Variants in SYNE1 observed in about 807,000 individuals in gnomAD.
SYNE1 encodes the protein nesprin-1.
Under a neutral mutation model 1,111.0 loss-of-function variants are expected in SYNE1, and 616 were observed. The observed-to-expected ratio is 0.55, with a 90% CI of 0.52 to 0.59. The LOEUF is 0.59. SYNE1 is among the 20% of genes least tolerant of loss of function. The probability of loss-of-function intolerance (pLI) is 0.00; values close to 1 mark genes in which losing one functional copy is unlikely to be tolerated. For missense variants in SYNE1, 10,006 were observed against 10,417.0 expected, an observed-to-expected ratio of 0.96 and a Z score of 1.72; for synonymous variants, 3,855 against 3,825.8, an observed-to-expected ratio of 1.01 and a Z score of -0.28.
chr6:152,239,613 G>A lies in SYNE1; in HGVS notation c.19987C>T (p.His6663Tyr), dbSNP rs112272270. 13 of 1,614,196 alleles carry A rather than the reference G, an allele frequency of 8.1e-6. No homozygotes were observed. Among genetic ancestry groups the A allele is most frequent in the African/African-American group, 5.3e-5 (4 of 75,028 alleles). ...SFAVQKETQF[H>Y]TELMAQASAV... is the part of the protein sequence containing the mutation. ...GAAGCCTGAGCCATCAGCTCTGTAT[G>A]GAACTGGGTTTCCTTTTGGACTGCA... The change falls in exon 108 of 146, where the codon CAT becomes TAT. Residue 6663 changes from histidine to tyrosine, a missense_variant. His to Tyr is a moderately conservative substitution (Grantham distance 83). Transcript: ENST00000367255.
intron 107 of SYNE1, 125 bp from the exon 108 acceptor site, chr6:152,239,831 G>C (rs907857819): frequency 9.9e-7 from 1 of 1,009,076 alleles, no homozygotes; most frequent in East Asian, 2.6e-5. Flanking sequence ...GGCTGAAGTG[G>C]GTGGATTACC....
chr6:152,453,478 C>G, intron 25 of SYNE1, 108 bp downstream of exon 25: 1 of 1,543,484 alleles, frequency 6.5e-7, no homozygotes, highest in Non-Finnish European at 8.9e-7. Flanking sequence ...GAAATAGTTA[C>G]AGTGACTTTC....
At chr6:152,343,080 C>T (rs1157359635) in intron 74 of SYNE1, among the ~76,000 whole-genome samples, 2 of 152,022 alleles carry the variant, frequency 1.3e-5, no homozygotes, top group Admixed American at 6.6e-5. Flanking sequence ...GCGACTTACC[C>T]ATGGTCCCCC....
chr6:152,317,962 A>T, intron 86 of SYNE1, 119 bp downstream of exon 86: 2 of 1,337,000 alleles, frequency 1.5e-6, no homozygotes, highest in Non-Finnish European at 2.1e-6. Context: ...CTACACCTAA[A>T]CTACTCTCTC....
At chr6:152,482,983 T>C in intron 14 of SYNE1, 102 bp downstream of exon 14, 1 of 1,309,402 alleles carries the variant, frequency 7.6e-7, no homozygotes, top group East Asian at 2.3e-5. Flanking sequence ...CATGTAGAAT[T>C]AATATTTGGG....
intron 130 of SYNE1, among the ~76,000 whole-genome samples, chr6:152,169,466 G>A (rs1200051319): frequency 6.7e-6 from 1 of 148,422 alleles, no homozygotes; most frequent in African/African-American, 2.5e-5. Context: ...GGAGGCTGAG[G>A]CAGGAGAATG....
intron 126 of SYNE1, among the ~76,000 whole-genome samples, chr6:152,203,918 TC>T (rs939158105): frequency 2.0e-5 from 3 of 152,316 alleles, no homozygotes; most frequent in African/African-American, 2.4e-5. Context: ...TGCTTTGTGT[TC>T]CCAGGGCTAC....
At chr6:152,266,935 G>GT (rs926275830) in intron 100 of SYNE1, among the ~76,000 whole-genome samples, 14 of 150,794 alleles carry the variant, frequency 9.3e-5, no homozygotes, top group East Asian at 3.9e-4. Context: ...TCTCTAAAAT[G>GT]TTTTTTTTAT....
At chr6:152,371,820 CAGGAA>C (rs1434288596) in intron 59 of SYNE1, among the ~76,000 whole-genome samples, 33 of 116,636 alleles carry the variant, frequency 2.8e-4, no homozygotes, top group Middle Eastern at 5.2e-3. Flanking sequence ...TAAGAAAGGA[CAGGAA>C]AGGACAGGAC....
chr6:152,373,710 C>T (rs553588792), intron 58 of SYNE1, among the ~76,000 whole-genome samples: 1 of 152,184 alleles, frequency 6.6e-6, no homozygotes, highest in Middle Eastern at 3.4e-3. Flanking sequence ...TCTGACTTGT[C>T]TCAAAAAGGT....
intron 3 of SYNE1, among the ~76,000 whole-genome samples, chr6:152,563,441 G>A (rs2099401512): frequency 6.6e-6 from 1 of 151,726 alleles, no homozygotes; most frequent in Non-Finnish European, 1.5e-5. Context: ...ATGCACTTTT[G>A]GTGAAAAAAA....
chr6:152,164,169 C>T lies in SYNE1; in HGVS notation c.23784G>A (p.Glu7928=), dbSNP rs1380282439. 1 of 1,614,170 alleles carries T rather than the reference C, an allele frequency of 6.2e-7. No homozygotes were observed. The highest frequency in any genetic ancestry group is 8.5e-7 in the Non-Finnish European group (1 of 1,180,026). Residue 7928 remains glutamate (E), a synonymous_variant, in exon 131 of 146, where the codon GAG becomes GAA. Transcript: ENST00000367255. ...NSEEIQRKLN[E]QQELQRDIEK... Reference sequence around the variant, plus strand: ...TTTCCATTTTAAGTCTTACCTGCTGCTCATTAAGCTTTCTCTGTATTTCTT... The same window carrying T: ...TTTCCATTTTAAGTCTTACCTGCTGTTCATTAAGCTTTCTCTGTATTTCTT...
chr6:152,447,448 A>G lies in SYNE1; in HGVS notation c.3669+10T>C, dbSNP rs187598275. The G allele has an allele frequency of 1.3e-4, 209 of 1,614,076 alleles. No individual in the cohort carries two copies. In the African/African-American group the frequency reaches 1.5e-3, roughly 12 times the overall value. On this transcript the variant is annotated intron_variant, in intron 29 of 145. Transcript: ENST00000367255. The stretch of plus-strand genomic sequence containing the variant: ...GAACTGTCTGTTTAGAGTGTGAGTA[A>G]ATGCTGTACCTCTGACAGCAGCGTC...
chr6:152,466,166 C>T (rs2098765978), intron 16 of SYNE1, 88 bp from the exon 17 acceptor site: 2 of 770,012 alleles, frequency 2.6e-6, no homozygotes, highest in Non-Finnish European at 4.5e-6. Context: ...GCTATAAGCA[C>T]AGTTTACCCA....
At chr6:152,558,403 G>A (rs1443863059) in intron 3 of SYNE1, among the ~76,000 whole-genome samples, 3 of 152,070 alleles carry the variant, frequency 2.0e-5, no homozygotes, top group East Asian at 3.8e-4. Context: ...GTGGCCAAAT[G>A]GATTAAAAAG....
rs61729925 is a variant in SYNE1, at chr6:152,236,934, C to G, written c.20082G>C (p.Leu6694=). 6.2e-7 allele frequency: 1 copy of G among 1,614,008 alleles called. No individual in the cohort carries two copies. The highest frequency in any genetic ancestry group is 8.5e-7 in the Non-Finnish European group (1 of 1,179,990). ...TGCTGAGCTCCTGCTGGTCCTCATCCAGATGGGACCACGTCTAGAAACACA... is the reference window on the plus strand; with the variant it reads ...TGCTGAGCTCCTGCTGGTCCTCATCGAGATGGGACCACGTCTAGAAACACA... ...LEYILETWSH[L]DEDQQELSRQ... The change falls in exon 109 of 146, where the codon CTG becomes CTC. Residue 6694 remains leucine, a synonymous_variant. Transcript: ENST00000367255.
intron 3 of SYNE1, among the ~76,000 whole-genome samples, chr6:152,573,282 T>C (rs1382443489): frequency 7.3e-5 from 11 of 151,504 alleles, no homozygotes; most frequent in South Asian, 2.1e-4. Flanking sequence ...GCTGCACCCA[T>C]TAACTCGTCA....
At chr6:152,343,018 T>A (rs1342467626) in intron 74 of SYNE1, among the ~76,000 whole-genome samples, 1 of 152,218 alleles carries the variant, frequency 6.6e-6, no homozygotes, top group South Asian at 2.1e-4. Flanking sequence ...AGTATACTTA[T>A]AAATGTCACT....
At chr6:152,633,078 G>C (rs1018499651) in intron 2 of SYNE1, among the ~76,000 whole-genome samples, 5 of 152,176 alleles carry the variant, frequency 3.3e-5, no homozygotes, top group African/African-American at 7.2e-5. Context: ...CAGAACACCA[G>C]AGGCAGATCC....
Sources: allele counts gnomAD v4.1 joint callset (sites outside exome capture counted in the v4.1 genomes callset), GRCh38; gene constraint gnomAD v4.1.1; transcripts MANE v1.5; gene names NCBI Gene and HGNC (gene_info 2026-07-23, HGNC 2026-07-21).